EPN3: variants seen among roughly 807,000 people sequenced by gnomAD.
EPN3 encodes the protein epsin 3.
A neutral mutation model predicts 55.5 loss-of-function variants in EPN3; 56 were observed. The ratio of observed to expected loss-of-function variants is 1.01; its 90% confidence interval spans 0.81 to 1.26. The LOEUF (loss-of-function observed/expected upper bound fraction) is 1.26. EPN3 is among the 50% of genes most tolerant of loss of function. The pLI, the probability that EPN3 is intolerant of heterozygous loss-of-function variation, is 0.00. For synonymous variants in EPN3, 449 were observed against 375.2 expected, an observed-to-expected ratio of 1.20 and a Z score of -2.27; for missense variants, 927 against 853.4, an observed-to-expected ratio of 1.09 and a Z score of -1.07.
chr17:50,541,927 C>G lies in EPN3; in HGVS notation c.1669C>G (p.Pro557Ala). The G allele has an allele frequency of 6.2e-7, 1 of 1,600,304 alleles. No individual in the cohort carries two copies. The highest frequency in any genetic ancestry group is 8.5e-7 in the Non-Finnish European group (1 of 1,178,494). Residue 557 changes from proline (P) to alanine (A), a missense_variant, in exon 10 of 10, where the codon CCG (proline) becomes GCG (alanine). Transcript: ENST00000268933. ...PTLNQMRTGS[P>A]ALGLAGGPVG... ...GCTAAACCAGATGCGCACCGGCTCGCCGGCGCTGGGCCTGGCAGGCGGGCC... is the reference window on the plus strand; with the variant it reads ...GCTAAACCAGATGCGCACCGGCTCGGCGGCGCTGGGCCTGGCAGGCGGGCC...
At chr17:50,539,454 C>T in intron 5 of EPN3, 139 bp downstream of exon 5, 1 of 1,307,400 alleles carries the variant, frequency 7.6e-7, no homozygotes, top group Middle Eastern at 2.7e-4. Flanking sequence ...GGGGGTGTAG[C>T]AGCCCTAGTC....
Position 50,538,972 on chromosome 17 carries a change from G to A in EPN3, c.762+8G>A. On this transcript the variant is annotated splice_region_variant and intron_variant, in intron 4 of 9. Coordinates refer to ENST00000268933, the MANE Select transcript of EPN3 (RefSeq NM_017957.3). ...CGGCAGGAGCACGAGAAGGTAGTGGGCCGAGCCCGCTGGGCTGCCGGTGCT... is the reference window on the plus strand; with the variant it reads ...CGGCAGGAGCACGAGAAGGTAGTGGACCGAGCCCGCTGGGCTGCCGGTGCT... 6.3e-7 allele frequency: 1 copy of A among 1,594,518 alleles called. No individual in the cohort carries two copies. The highest frequency in any genetic ancestry group is 8.6e-7 in the Non-Finnish European group (1 of 1,169,444).
chr17:50,539,894 G>A (rs1010303018), intron 5 of EPN3, among the ~76,000 whole-genome samples: 3 of 152,156 alleles, frequency 2.0e-5, no homozygotes, highest in African/African-American at 7.2e-5. Flanking sequence ...AAAAACATCT[G>A]CCTTTGGCCT....
At chr17:50,540,592 C>T (rs983821408) in intron 6 of EPN3, among the ~76,000 whole-genome samples, 1 of 152,210 alleles carries the variant, frequency 6.6e-6, no homozygotes, top group Non-Finnish European at 1.5e-5. Context: ...GGGAAGGTGG[C>T]CTGAGTCGCC....
At position 50,541,991 on chromosome 17, in the gene EPN3, C is replaced by T. The variant is rs542485531; in HGVS notation, c.1733C>T (p.Ser578Phe). 6.3e-7 allele frequency: 1 copy of T among 1,598,394 alleles called. No individual in the cohort carries two copies. The highest frequency in any genetic ancestry group is 1.7e-4 in the Middle Eastern group (1 of 5,974). Reference protein sequence around the residue: ...APLGSMTYSASLPLPLSSVPA... With the variant: ...APLGSMTYSAFLPLPLSSVPA... The stretch of plus-strand genomic sequence containing the variant: ...CTGGGCTCCATGACCTACAGCGCCT[C>T]TCTGCCCCTCCCGCTCAGCAGCGTG... Residue 578 changes from serine (S) to phenylalanine (F), a missense_variant, in exon 10 of 10, where the codon TCT becomes TTT. Transcript: ENST00000268933.
intron 5 of EPN3, 101 bp from the exon 6 acceptor site, chr17:50,540,146 T>C (rs2034824766): frequency 3.6e-6 from 3 of 827,436 alleles, no homozygotes; most frequent in African/African-American, 3.4e-5. Context: ...ATCTGTGGAA[T>C]GAATAAAGAG....
At chr17:50,536,277 T>G in intron 1 of EPN3, 144 bp from the exon 2 acceptor site, 2 of 533,760 alleles carry the variant, frequency 3.7e-6, no homozygotes, top group Non-Finnish European at 3.1e-6. Context: ...GCCTGCTGAA[T>G]TGTAAGTGAA....
At chr17:50,537,994 CTT>C in intron 2 of EPN3, 83 bp from the exon 3 acceptor site, 1 of 1,166,486 alleles carries the variant, frequency 8.6e-7, no homozygotes, top group Non-Finnish European at 1.3e-6. Context: ...TCTCAGTTCT[CTT>C]GAGCCTCAGC....
intron 3 of EPN3, 103 bp from the exon 4 acceptor site, chr17:50,538,781 G>A: frequency 2.5e-6 from 2 of 802,244 alleles, no homozygotes. Context: ...CACTGAGGGT[G>A]GGCATTAGTG....
chr17:50,543,527 C>T lies in EPN3; in HGVS notation c.*1370C>T, dbSNP rs547048298. On this transcript the variant is annotated 3_prime_UTR_variant, in exon 10 of 10. Coordinates refer to ENST00000268933, the MANE Select transcript of EPN3 (RefSeq NM_017957.3). ...CCTTTCAGGGACAAATGGCCTTCCA[C>T]CAGAGTCGGTGAGTGGAGAGGCACA... The T allele has an allele frequency of 1.3e-5, 2 of 152,406 alleles. No individual in the cohort carries two copies. The highest frequency in any genetic ancestry group is 1.9e-4 in the East Asian group (1 of 5,186). 9.4% of individuals were successfully genotyped at this position (152,406 alleles called of 1,614,324 possible).
Position 50,540,227 on chromosome 17 carries a change from G to C in EPN3, c.892-20G>C. ...AGGCCCCGCCCACTTCTGAGCCGCG[G>C]CTGCCTCTCCCCTCCACAGTCCTCC... On this transcript the variant is annotated intron_variant, in intron 5 of 9. Coordinates refer to ENST00000268933, the MANE Select transcript of EPN3 (RefSeq NM_017957.3). 1 of 1,607,996 alleles carries C rather than the reference G, an allele frequency of 6.2e-7. No individual in the cohort carries two copies. The highest frequency in any genetic ancestry group is 8.5e-7 in the Non-Finnish European group (1 of 1,177,862).
In EPN3 at chr17:50,537,310, C is replaced by A. The variant is rs1034385891; in HGVS notation, c.562+192C>A. 3 of 622,444 alleles carry A rather than the reference C, an allele frequency of 4.8e-6. No individual in the cohort carries two copies. In the East Asian group the frequency reaches 8.3e-5, roughly 17 times the overall value. The allele number at this position is 622,444 out of a possible 1,614,324, so 38.6% of individuals were successfully genotyped here. ...CTCAACAAGTTAGCTCAGATAATAACGTTGTTATAGATTCATTATCATTCG... is the reference window on the plus strand; with the variant it reads ...CTCAACAAGTTAGCTCAGATAATAAAGTTGTTATAGATTCATTATCATTCG... On this transcript the variant is annotated intron_variant, in intron 2 of 9. Coordinates refer to ENST00000268933, the MANE Select transcript of EPN3 (RefSeq NM_017957.3).
At chr17:50,536,376 T>G in intron 1 of EPN3, 45 bp from the exon 2 acceptor site, 988 of 1,416,774 alleles carry the variant, frequency 7.0e-4, no homozygotes, top group Non-Finnish European at 8.1e-4. Context: ...GAGTGACCCA[T>G]GAGGTAGGCC....
At chr17:50,533,606 G>A (rs1478867436) in intron 1 of EPN3, among the ~76,000 whole-genome samples, 2 of 152,150 alleles carry the variant, frequency 1.3e-5, no homozygotes, top group East Asian at 1.9e-4. Flanking sequence ...GGGGATGAGC[G>A]ATCTGCATTT....
intron 1 of EPN3, among the ~76,000 whole-genome samples, chr17:50,533,273 C>G (rs1333579996): frequency 6.6e-6 from 1 of 152,148 alleles, no homozygotes; most frequent in Non-Finnish European, 1.5e-5. Context: ...TCTGCTGTTT[C>G]CTCTTCTTCA....
chr17:50,541,914 G>A lies in EPN3; in HGVS notation c.1656G>A (p.Met552Ile). 6.2e-7 allele frequency: 1 copy of A among 1,603,010 alleles called. No homozygotes were observed. The highest frequency in any genetic ancestry group is 8.5e-7 in the Non-Finnish European group (1 of 1,179,104). Residue 552 changes from methionine (M) to isoleucine (I), a missense_variant, in exon 10 of 10, where the codon ATG becomes ATA. Coordinates refer to ENST00000268933, the MANE Select transcript of EPN3 (RefSeq NM_017957.3). ...CGGGCAGGCCGACGCTAAACCAGAT[G>A]CGCACCGGCTCGCCGGCGCTGGGCC... ...GEPGRPTLNQ[M>I]RTGSPALGLA... is the part of the protein sequence containing the mutation.
At chr17:50,538,223 T>C (rs1281010266) in intron 3 of EPN3, 26 bp downstream of exon 3, 1 of 1,580,110 alleles carries the variant, frequency 6.3e-7, no homozygotes, top group Non-Finnish European at 8.6e-7. Flanking sequence ...CCCACTGCGG[T>C]GGGGAGGGGA....
chr17:50,541,263 T>C lies in EPN3; in HGVS notation c.1284T>C (p.Pro428=), dbSNP rs756529914. 6.2e-7 allele frequency: 1 copy of C among 1,613,506 alleles called. No individual in the cohort carries two copies. Among genetic ancestry groups the C allele is most frequent in the Non-Finnish European group, 8.5e-7 (1 of 1,179,974 alleles). The change falls in exon 8 of 10, where the codon CCT becomes CCC. Residue 428 remains proline (P), a synonymous_variant. Coordinates refer to ENST00000268933, the MANE Select transcript of EPN3 (RefSeq NM_017957.3). ...CGACCTTTGACCCATTTGCCAAACC[T>C]CCAGAATCCACAGAGACCAAGGAGG... is the stretch of plus-strand genomic sequence containing the variant. The part of the protein sequence containing the change: ...GASTFDPFAK[P]PESTETKEGL...
At position 50,540,941 on chromosome 17, in the gene EPN3, C is replaced by A; in HGVS notation, c.1128C>A (p.Thr376=). ...MLSSSEPWGR[T]PVLPAGPPTT... ...CCTCCTCTGAGCCCTGGGGCAGGACCCCAGTGCTGCCTGCTGGGCCCCCCA... is the reference window on the plus strand; with the variant it reads ...CCTCCTCTGAGCCCTGGGGCAGGACACCAGTGCTGCCTGCTGGGCCCCCCA... The change falls in exon 7 of 10, where the codon ACC becomes ACA. Residue 376 remains threonine, a synonymous_variant. Transcript: ENST00000268933. The A allele has an allele frequency of 1.9e-6, 3 of 1,613,754 alleles. No homozygotes were observed. The highest frequency in any genetic ancestry group is 1.7e-6 in the Non-Finnish European group (2 of 1,179,954).
Sources: allele counts gnomAD v4.1 joint callset (sites outside exome capture counted in the v4.1 genomes callset), GRCh38; gene constraint gnomAD v4.1.1; transcripts MANE v1.5; gene names NCBI Gene and HGNC (gene_info 2026-07-23, HGNC 2026-07-21).